The following TRDN variants were observed in gnomAD, a reference collection of about 807,000 sequenced individuals.
The protein encoded by TRDN is triadin in skeletal muscle.
In TRDN, 161 loss-of-function variants were observed where a neutral mutation model predicts 149.7. That is an observed-to-expected ratio of 1.08 (90% CI 0.95 to 1.23). TRDN has a LOEUF of 1.23. TRDN is among the 50% of genes most tolerant of loss of function. TRDN has a pLI of 0.00. For synonymous variants in TRDN, 294 were observed against 250.5 expected (o/e 1.17, Z -1.64); for missense variants, 896 against 823.5 (o/e 1.09, Z -1.08).
At chr6:123,341,498 A>G (rs1208213099) in intron 21 of TRDN, among the ~76,000 whole-genome samples, 3 of 151,506 alleles carry the variant, frequency 2.0e-5, no homozygotes, top group Non-Finnish European at 4.4e-5. Context: ...CATAGTCTTT[A>G]TATTTTATTT....
chr6:123,500,613 A>G (rs1223570490), intron 8 of TRDN, among the ~76,000 whole-genome samples: 3 of 152,152 alleles, frequency 2.0e-5, no homozygotes, highest in African/African-American at 7.2e-5. Context: ...TTCCCCAAAT[A>G]AACATCCTTC....
chr6:123,231,845 G>A (rs1307663886), intron 38 of TRDN, among the ~76,000 whole-genome samples: 1 of 151,924 alleles, frequency 6.6e-6, no homozygotes, highest in Admixed American at 6.6e-5. Flanking sequence ...GGTCAAAGTA[G>A]AATTCAAAGT....
intron 1 of TRDN, among the ~76,000 whole-genome samples, chr6:123,616,392 C>CA (rs71856854): frequency 1.9e-3 from 257 of 135,216 alleles, no homozygotes; most frequent in East Asian, 7.1e-3. Flanking sequence ...AGCAGGTTTG[C>CA]AAAAAAAAAA....
At chr6:123,611,412 A>G (rs946649884) in intron 1 of TRDN, among the ~76,000 whole-genome samples, 1 of 152,200 alleles carries the variant, frequency 6.6e-6, no homozygotes, top group African/African-American at 2.4e-5. Flanking sequence ...ACTATTATGA[A>G]TAAATAAAAA....
intron 35 of TRDN, among the ~76,000 whole-genome samples, 182 bp from the exon 36 acceptor site, chr6:123,256,084 C>G (rs1776548488): frequency 6.6e-6 from 1 of 152,008 alleles, no homozygotes; most frequent in Admixed American, 6.6e-5. Context: ...TGCTATCCCT[C>G]CCCTTAACCC....
rs772836553 is a variant in TRDN at position 123,636,928 on chromosome 6, C to T, written c.-153G>A. 1.4e-5 allele frequency: 12 copies of T among 838,946 alleles called. No individual in the cohort carries two copies. Among genetic ancestry groups the T allele is most frequent in the Non-Finnish European group, 2.1e-5 (11 of 521,904 alleles). The allele number at this position is 838,946 out of a possible 1,614,324, so 52.0% of individuals were successfully genotyped here. A position where few individuals can be genotyped will look rare whatever the true frequency, so the allele number is the denominator to read the frequency against. On this transcript the variant is annotated 5_prime_UTR_variant, in exon 1 of 41. Transcript: ENST00000334268. The stretch of plus-strand genomic sequence containing the variant: ...CTGTTTCTGCTGCTTCTTTGTTGTC[C>T]TGTTGAACTTTGCCTCTCCTCTGCA...
chr6:123,609,937 T>C (rs1340343493), intron 1 of TRDN, among the ~76,000 whole-genome samples: 2 of 152,174 alleles, frequency 1.3e-5, no homozygotes, highest in Admixed American at 1.3e-4. Context: ...ATGGATGATA[T>C]ATAAGAAACT....
Position 123,264,737 on chromosome 6 carries a change from C to A in TRDN, c.1804+581G>T, listed in dbSNP as rs191239413. ...TTTCAGAATCACCACAAATTTCTAA[C>A]CTTCAGAAACCACCACCTTCATCAG... On this transcript the variant is annotated intron_variant, in intron 33 of 40. Coordinates refer to ENST00000334268, the MANE Select transcript of TRDN (RefSeq NM_006073.4). Among the ~76,000 whole-genome samples, 116 of 152,186 alleles carry A rather than the reference C, an allele frequency of 7.6e-4. 1 individual carries two copies. Among genetic ancestry groups the A allele is most frequent in the Middle Eastern group, 3.4e-3 (1 of 294 alleles).
chr6:123,404,878 A>T (rs1476170123), intron 12 of TRDN, among the ~76,000 whole-genome samples: 1 of 152,184 alleles, frequency 6.6e-6, no homozygotes, highest in Non-Finnish European at 1.5e-5. Flanking sequence ...GAATTTCACC[A>T]CTTCATTCTC....
intron 12 of TRDN, among the ~76,000 whole-genome samples, chr6:123,422,486 G>A (rs148104302): frequency 6.6e-6 from 1 of 152,120 alleles, no homozygotes; most frequent in African/African-American, 2.4e-5. Flanking sequence ...GATTCAGAGA[G>A]AGAGCCATGA....
intron 1 of TRDN, among the ~76,000 whole-genome samples, chr6:123,584,754 G>A (rs1363531242): frequency 2.0e-5 from 3 of 152,264 alleles, no homozygotes; most frequent in African/African-American, 7.2e-5. Context: ...AGGGTGGAAA[G>A]GAATAGTAAA....
At chr6:123,628,645 A>T (rs1156507406) in intron 1 of TRDN, among the ~76,000 whole-genome samples, 1 of 152,172 alleles carries the variant, frequency 6.6e-6, no homozygotes, top group Non-Finnish European at 1.5e-5. Context: ...GCAAAGTGCA[A>T]TAAAAAGAGA....
At chr6:123,314,280 C>A (rs1456077481) in intron 24 of TRDN, among the ~76,000 whole-genome samples, 1 of 151,892 alleles carries the variant, frequency 6.6e-6, no homozygotes, top group East Asian at 1.9e-4. Context: ...TAGAGAAATG[C>A]AAATCAAAAC....
intron 7 of TRDN, among the ~76,000 whole-genome samples, chr6:123,506,000 C>T (rs1488108933): frequency 2.0e-5 from 3 of 152,190 alleles, no homozygotes; most frequent in African/African-American, 7.2e-5. Context: ...GGTTTCTGCT[C>T]TTTCCTGCAG....
chr6:123,403,402 C>T (rs1255889087), intron 12 of TRDN, among the ~76,000 whole-genome samples: 1 of 151,790 alleles, frequency 6.6e-6, no homozygotes, highest in Non-Finnish European at 1.5e-5. Flanking sequence ...TGGCAGAGGC[C>T]ATAGGAAAAA....
At chr6:123,587,057 A>G (rs961382590) in intron 1 of TRDN, among the ~76,000 whole-genome samples, 2 of 151,920 alleles carry the variant, frequency 1.3e-5, no homozygotes, top group Admixed American at 1.3e-4. Flanking sequence ...AGGGTGAAGG[A>G]AAAGGGGTTG....
In TRDN at chr6:123,485,060, T is replaced by C. The variant is rs190430450; in HGVS notation, c.853+12133A>G. Among the ~76,000 whole-genome samples, 258 of 152,302 alleles carry C rather than the reference T, an allele frequency of 1.7e-3. 5 individuals are homozygous for C. The highest frequency in any genetic ancestry group is 1.2e-3 in the Non-Finnish European group (79 of 68,020). ...GATTTTGACAAATATGACAATCTGATACATTTATCTTGAATAGCTTCCATA... is the reference window on the plus strand; with the variant it reads ...GATTTTGACAAATATGACAATCTGACACATTTATCTTGAATAGCTTCCATA... On this transcript the variant is annotated intron_variant, in intron 9 of 40. Coordinates refer to ENST00000334268, the MANE Select transcript of TRDN (RefSeq NM_006073.4).
At chr6:123,260,468 A>G in intron 34 of TRDN, 144 bp downstream of exon 34, 2 of 780,868 alleles carry the variant, frequency 2.6e-6, no homozygotes, top group South Asian at 2.4e-5. Context: ...GCCTTTTGGG[A>G]AGTCATTATG....
intron 1 of TRDN, among the ~76,000 whole-genome samples, chr6:123,635,872 G>A (rs1258057337): frequency 6.6e-6 from 1 of 151,606 alleles, no homozygotes; most frequent in Admixed American, 6.6e-5. Flanking sequence ...TAGTTTTGAA[G>A]GTTTCCTTCA....
Sources: gnomAD v4.1 joint callset for allele counts (sites outside exome capture counted in the v4.1 genomes callset) on GRCh38, gnomAD v4.1.1 for gene constraint, MANE v1.5 for transcripts, NCBI Gene and HGNC (gene_info 2026-07-23, HGNC 2026-07-21) for gene names.